The following KCNA1 variants were observed in gnomAD, a reference collection of about 807,000 sequenced individuals.
KCNA1 encodes potassium voltage-gated channel subfamily A member 1, also known as potassium channel, voltage gated shaker related subfamily A, member 1.
In KCNA1, 19 loss-of-function variants were observed where a neutral mutation model predicts 28.8. The ratio of observed to expected loss-of-function variants is 0.66; its 90% confidence interval spans 0.46 to 0.97. KCNA1 has a LOEUF of 0.97. KCNA1 is among the 50% of genes least tolerant of loss of function. The probability of loss-of-function intolerance (pLI) is 0.00; values close to 1 mark genes in which losing one functional copy is unlikely to be tolerated. For synonymous variants in KCNA1, 311 were observed against 268.8 expected (o/e 1.16, Z -1.53); for missense variants, 419 against 659.7 (o/e 0.64, Z 4.00).
rs372742714 is a variant in KCNA1 at position 4,911,693 on chromosome 12, G to A, written c.315G>A (p.Pro105=). The A allele has an allele frequency of 1.2e-5, 19 of 1,614,162 alleles. No individual in the cohort carries two copies. The African/African-American group carries it at 2.3e-4, about 19-fold the overall frequency. Residue 105 remains proline, a synonymous_variant, in exon 2 of 2, where the codon CCG becomes CCA. Coordinates refer to ENST00000382545, the MANE Select transcript of KCNA1 (RefSeq NM_000217.3). The surrounding 1 kb of genome is among the most constrained non-coding windows in gnomAD (Gnocchi z 6.6). ...AGTCCGGCGGCCGCCTGCGGAGGCCGGTCAACGTGCCCCTGGACATGTTCT... is the reference window on the plus strand; with the variant it reads ...AGTCCGGCGGCCGCCTGCGGAGGCCAGTCAACGTGCCCCTGGACATGTTCT... ...YYQSGGRLRR[P]VNVPLDMFSE...
At position 4,913,323 on chromosome 12, in the gene KCNA1, C is replaced by T. The variant is rs1376358936; in HGVS notation, c.*457C>T. 1 of 232,650 alleles carries T rather than the reference C, an allele frequency of 4.3e-6. No homozygotes were observed. The highest frequency in any genetic ancestry group is 2.4e-5 in the African/African-American group (1 of 42,396). 14.4% of individuals were successfully genotyped at this position (232,650 alleles called of 1,614,324 possible). A position where few individuals can be genotyped will look rare whatever the true frequency, so the allele number is the denominator to read the frequency against. On this transcript the variant is annotated 3_prime_UTR_variant, in exon 2 of 2. Coordinates refer to ENST00000382545, the MANE Select transcript of KCNA1 (RefSeq NM_000217.3). ...TGCAAACTGCGTAGCACATTGAAGA[C>T]AGTGCATCAGATGTATTATATGTAA...
Position 4,911,466 on chromosome 12 carries a change from C to T in KCNA1, c.88C>T (p.His30Tyr). ...QDGSYPRQAD[H>Y]DDHECCERVV... Reference sequence around the variant, plus strand: ...TGGCAGCTACCCCCGGCAGGCCGACCACGACGACCACGAGTGCTGCGAGCG... The same window carrying T: ...TGGCAGCTACCCCCGGCAGGCCGACTACGACGACCACGAGTGCTGCGAGCG... Residue 30 changes from histidine (H) to tyrosine (Y), a missense_variant, in exon 2 of 2, where the codon CAC (histidine) becomes TAC (tyrosine). By Grantham distance (83) the His-to-Tyr change is moderately conservative (BLOSUM62 2). Coordinates refer to ENST00000382545, the MANE Select transcript of KCNA1 (RefSeq NM_000217.3). This position sits in a 1 kb window ranked among gnomAD's most constrained non-coding sequence, Gnocchi z 6.6. 6.2e-7 allele frequency: 1 copy of T among 1,614,002 alleles called. No homozygotes were observed. The highest frequency in any genetic ancestry group is 8.5e-7 in the Non-Finnish European group (1 of 1,180,010).
At position 4,911,097 on chromosome 12, in the gene KCNA1, C is replaced by G. The variant is rs917538731; in HGVS notation, c.-282C>G. ...TATCTAAACAACAACAACAGAAAAC[C>G]AACAAACCCCCAAACCCAAACCCAA... On this transcript the variant is annotated 5_prime_UTR_variant, in exon 2 of 2. Coordinates refer to ENST00000382545, the MANE Select transcript of KCNA1 (RefSeq NM_000217.3). This position sits in a 1 kb window ranked among gnomAD's most constrained non-coding sequence, Gnocchi z 6.6. The G allele has an allele frequency of 7.2e-6, 4 of 559,140 alleles. No individual in the cohort carries two copies. The highest frequency in any genetic ancestry group is 1.3e-5 in the Non-Finnish European group (4 of 311,884). 34.6% of individuals were successfully genotyped at this position (559,140 alleles called of 1,614,324 possible). A position where few individuals can be genotyped will look rare whatever the true frequency, so the allele number is the denominator to read the frequency against.
In KCNA1 at chr12:4,915,781, A is replaced by G. The variant is rs1206272220; in HGVS notation, c.*2915A>G. ...TGTCAACAGCAATAATCCACTCAGT[A>G]CTGTGGGATGGATGGGTTAATGGAT... On this transcript the variant is annotated 3_prime_UTR_variant, in exon 2 of 2. Transcript: ENST00000382545. 1 of 167,188 alleles carries G rather than the reference A, an allele frequency of 6.0e-6. No individual in the cohort carries two copies. The highest frequency in any genetic ancestry group is 1.5e-5 in the Non-Finnish European group (1 of 68,166). 10.4% of individuals were successfully genotyped at this position (167,188 alleles called of 1,614,324 possible). A position where few individuals can be genotyped will look rare whatever the true frequency, so the allele number is the denominator to read the frequency against.
In KCNA1 at chr12:4,911,769, C is replaced by T; in HGVS notation, c.391C>T (p.Arg131Trp). The T allele has an allele frequency of 6.2e-7, 1 of 1,613,990 alleles. No homozygotes were observed. The highest frequency in any genetic ancestry group is 8.5e-7 in the Non-Finnish European group (1 of 1,179,960). Residue 131 changes from arginine (R) to tryptophan (W), a missense_variant, in exon 2 of 2, where the codon CGG (arginine) becomes TGG (tryptophan). Arg to Trp is a moderately radical substitution (Grantham distance 101, BLOSUM62 -3). Around this residue, in one of 4 missense-constraint regions of KCNA1, gnomAD observed 217 missense variants for 329.6 expected, o/e 0.66. Transcript: ENST00000382545. This position sits in a 1 kb window ranked among gnomAD's most constrained non-coding sequence, Gnocchi z 6.6. ...GGGCGAGGAGGCCATGGAGAAGTTCCGGGAGGACGAGGGCTTCATCAAGGA... is the reference window on the plus strand; with the variant it reads ...GGGCGAGGAGGCCATGGAGAAGTTCTGGGAGGACGAGGGCTTCATCAAGGA... ...ELGEEAMEKF[R>W]EDEGFIKEEE...
At position 4,912,793 on chromosome 12, in the gene KCNA1, A is replaced by G. The variant is rs150612442; in HGVS notation, c.1415A>G (p.Asn472Ser). 33 of 1,614,022 alleles carry G rather than the reference A, an allele frequency of 2.0e-5. No homozygotes were observed. The highest frequency in any genetic ancestry group is 2.2e-5 in the Non-Finnish European group (26 of 1,180,012). The change falls in exon 2 of 2, where the codon AAT (asparagine) becomes AGT (serine). Residue 472 changes from asparagine (N) to serine (S), a missense_variant. By Grantham distance (46) the Asn-to-Ser change is conservative. Transcript: ENST00000382545. ...NNSIAHYRQVNIRTANCTTAN... is the reference protein window; with the variant it reads ...NNSIAHYRQVSIRTANCTTAN... ...AGCATAGCCCATTATAGACAGGTCA[A>G]TATCAGAACTGCCAATTGCACCACT... is the stretch of plus-strand genomic sequence containing the variant.
rs1421190880 is a variant in KCNA1 at position 4,917,313 on chromosome 12, A to G, written c.*4447A>G. On this transcript the variant is annotated 3_prime_UTR_variant, in exon 2 of 2. Transcript: ENST00000382545. ...ATGTGGCATATTACTACCTGTATTT[A>G]TATCATGGAATTTCAGGGTATATGT... The G allele has an allele frequency of 3.0e-5, 5 of 167,104 alleles. No homozygotes were observed. The East Asian group carries it at 9.6e-4, about 32-fold the overall frequency. The allele number at this position is 167,104 out of a possible 1,614,324, so 10.4% of individuals were successfully genotyped here. A position where few individuals can be genotyped will look rare whatever the true frequency, so the allele number is the denominator to read the frequency against.
chr12:4,914,258 T>C lies in KCNA1; in HGVS notation c.*1392T>C, dbSNP rs906355079. On this transcript the variant is annotated 3_prime_UTR_variant, in exon 2 of 2. Coordinates refer to ENST00000382545, the MANE Select transcript of KCNA1 (RefSeq NM_000217.3). The stretch of plus-strand genomic sequence containing the variant: ...TCATCAAAGTACATATAGCAACACC[T>C]AAGAACAAGTATTCTTTCTAGCTGA... The C allele has an allele frequency of 1.2e-5, 2 of 167,008 alleles. No individual in the cohort carries two copies. Among genetic ancestry groups the C allele is most frequent in the Non-Finnish European group, 2.9e-5 (2 of 68,118 alleles). The allele number at this position is 167,008 out of a possible 1,614,324, so 10.3% of individuals were successfully genotyped here. A position where few individuals can be genotyped will look rare whatever the true frequency, so the allele number is the denominator to read the frequency against.
rs1370644910 is a variant in KCNA1 at position 4,910,375 on chromosome 12, C to T, written c.-637C>T. ...TCTCGGATGCTGCTGCGGCGGCCGC[C>T]GCGGCTCCCGCCAGGGCACTGCAAA... On this transcript the variant is annotated 5_prime_UTR_variant, in exon 1 of 2. Transcript: ENST00000382545. The surrounding 1 kb of genome is among the most constrained non-coding windows in gnomAD (Gnocchi z 4.9). The T allele has an allele frequency of 1.3e-5, 2 of 152,178 alleles. No individual in the cohort carries two copies. Among genetic ancestry groups the T allele is most frequent in the Non-Finnish European group, 2.9e-5 (2 of 68,078 alleles). The allele number at this position is 152,178 out of a possible 1,614,324, so 9.4% of individuals were successfully genotyped here.
rs575501949 is a variant in KCNA1, at chr12:4,914,939, C to T, written c.*2073C>T. On this transcript the variant is annotated 3_prime_UTR_variant, in exon 2 of 2. Coordinates refer to ENST00000382545, the MANE Select transcript of KCNA1 (RefSeq NM_000217.3). ...TCCTGGCACCTTTCCTTATTTTTTT[C>T]TCTGTCGGTAACAGCACTTTGCAAA... 98 of 167,252 alleles carry T rather than the reference C, an allele frequency of 5.9e-4. 1 individual carries two copies. The highest frequency in any genetic ancestry group is 2.3e-3 in the African/African-American group (97 of 41,566). The allele number at this position is 167,252 out of a possible 1,614,324, so 10.4% of individuals were successfully genotyped here.
chr12:4,912,839 T>C lies in KCNA1; in HGVS notation c.1461T>C (p.Asn487=), dbSNP rs199969874. Residue 487 remains asparagine, a synonymous_variant, in exon 2 of 2, where the codon AAT becomes AAC. Transcript: ENST00000382545. ...CCACTGCTAACCAAAACTGCGTTAA[T>C]AAGAGCAAGCTACTGACCGATGTTT... The part of the protein sequence containing the change: ...NCTTANQNCV[N]KSKLLTDV The C allele has an allele frequency of 1.7e-5, 27 of 1,613,678 alleles. No individual in the cohort carries two copies. Among genetic ancestry groups the C allele is most frequent in the South Asian group, 2.2e-5 (2 of 91,070 alleles).
rs962068629 is a variant in KCNA1, at chr12:4,917,623, C to T, written c.*4757C>T. 1 of 167,000 alleles carries T rather than the reference C, an allele frequency of 6.0e-6. No homozygotes were observed. The highest frequency in any genetic ancestry group is 6.5e-5 in the Admixed American group (1 of 15,278). 10.3% of individuals were successfully genotyped at this position (167,000 alleles called of 1,614,324 possible). A position where few individuals can be genotyped will look rare whatever the true frequency, so the allele number is the denominator to read the frequency against. ...GGCTTTTCGCTTTAAGGAGATTAAC[C>T]CTAGTCACAGTGATTTTCATTTAGG... On this transcript the variant is annotated 3_prime_UTR_variant, in exon 2 of 2. Transcript: ENST00000382545.
At position 4,911,245 on chromosome 12, in the gene KCNA1, G is replaced by T. The variant is rs12817318; in HGVS notation, c.-134G>T. ...GATCTCCCGACCTGCTCGTGTTGAAGCACCTCCCCCTGGGCGTGAGGGAGA... is the reference window on the plus strand; with the variant it reads ...GATCTCCCGACCTGCTCGTGTTGAATCACCTCCCCCTGGGCGTGAGGGAGA... On this transcript the variant is annotated 5_prime_UTR_variant, in exon 2 of 2. Coordinates refer to ENST00000382545, the MANE Select transcript of KCNA1 (RefSeq NM_000217.3). This position sits in a 1 kb window ranked among gnomAD's most constrained non-coding sequence, Gnocchi z 6.6. 0.043 allele frequency: 28,540 copies of T among 656,786 alleles called. 860 individuals carry two copies. The highest frequency in any genetic ancestry group is 0.089 in the East Asian group (3,272 of 36,820). The allele number at this position is 656,786 out of a possible 1,614,324, so 40.7% of individuals were successfully genotyped here.
chr12:4,912,924 CA>C lies in KCNA1; in HGVS notation c.*62del. ...TTAGCAGCTCAAAAGACTTAAAAAACAAAACAGAAAACCTAGTGACTCATGT... is the reference window on the plus strand; with the variant it reads ...TTAGCAGCTCAAAAGACTTAAAAAACAAACAGAAAACCTAGTGACTCATGT... On this transcript the variant is annotated 3_prime_UTR_variant, in exon 2 of 2. Transcript: ENST00000382545. 8.2e-7 allele frequency: 1 copy of C among 1,219,418 alleles called. No homozygotes were observed. 75.5% of individuals were successfully genotyped at this position (1,219,418 alleles called of 1,614,324 possible).
In KCNA1 at chr12:4,911,777, C is replaced by T. The variant is rs779252925; in HGVS notation, c.399C>T (p.Asp133=). The change falls in exon 2 of 2, where the codon GAC becomes GAT. Residue 133 remains aspartate, a synonymous_variant. Transcript: ENST00000382545. The surrounding 1 kb of genome is among the most constrained non-coding windows in gnomAD (Gnocchi z 6.6). ...AGGCCATGGAGAAGTTCCGGGAGGA[C>T]GAGGGCTTCATCAAGGAGGAGGAGC... The part of the protein sequence containing the change: ...GEEAMEKFRE[D]EGFIKEEERP... 6.2e-6 allele frequency: 10 copies of T among 1,613,842 alleles called. No homozygotes were observed. Among genetic ancestry groups the T allele is most frequent in the Non-Finnish European group, 8.5e-6 (10 of 1,179,960 alleles).
rs988125718 is a variant in KCNA1, at chr12:4,910,233, A to G, written c.-779A>G. On this transcript the variant is annotated 5_prime_UTR_variant, in exon 1 of 2. Coordinates refer to ENST00000382545, the MANE Select transcript of KCNA1 (RefSeq NM_000217.3). This position sits in a 1 kb window ranked among gnomAD's most constrained non-coding sequence, Gnocchi z 4.9. Reference sequence around the variant, plus strand: ...GGACGGCGTCTCCAGGTTGCTGGCAACCGGTGAGAATGGGGGTAGGGAAGG... The same window carrying G: ...GGACGGCGTCTCCAGGTTGCTGGCAGCCGGTGAGAATGGGGGTAGGGAAGG... 1 of 152,186 alleles carries G rather than the reference A, an allele frequency of 6.6e-6. No homozygotes were observed. The highest frequency in any genetic ancestry group is 2.4e-5 in the African/African-American group (1 of 41,442). 9.4% of individuals were successfully genotyped at this position (152,186 alleles called of 1,614,324 possible). A position where few individuals can be genotyped will look rare whatever the true frequency, so the allele number is the denominator to read the frequency against.
Position 4,913,243 on chromosome 12 carries a change from T to C in KCNA1, c.*377T>C, listed in dbSNP as rs1947363733. On this transcript the variant is annotated 3_prime_UTR_variant, in exon 2 of 2. Transcript: ENST00000382545. Reference sequence around the variant, plus strand: ...ACTTTTTTAAAAACTCAGAACAAGATGATCACTTAGAAATATGAAATTGAA... The same window carrying C: ...ACTTTTTTAAAAACTCAGAACAAGACGATCACTTAGAAATATGAAATTGAA... The C allele has an allele frequency of 7.0e-6, 2 of 286,814 alleles. No individual in the cohort carries two copies. The highest frequency in any genetic ancestry group is 4.1e-5 in the South Asian group (1 of 24,578). 17.8% of individuals were successfully genotyped at this position (286,814 alleles called of 1,614,324 possible). A position where few individuals can be genotyped will look rare whatever the true frequency, so the allele number is the denominator to read the frequency against.
Position 4,910,359 on chromosome 12 carries a change from C to A in KCNA1, c.-653C>A, listed in dbSNP as rs867780919. ...GAGTTTGCCCGGCGCGTCTCGGATGCTGCTGCGGCGGCCGCCGCGGCTCCC... is the reference window on the plus strand; with the variant it reads ...GAGTTTGCCCGGCGCGTCTCGGATGATGCTGCGGCGGCCGCCGCGGCTCCC... On this transcript the variant is annotated 5_prime_UTR_variant, in exon 1 of 2. It adds an upstream start codon to the 5' untranslated region. Transcript: ENST00000382545. The surrounding 1 kb of genome is among the most constrained non-coding windows in gnomAD (Gnocchi z 4.9). The A allele has an allele frequency of 3.0e-4, 46 of 152,410 alleles. No individual in the cohort carries two copies. Among genetic ancestry groups the A allele is most frequent in the African/African-American group, 1.1e-3 (44 of 41,582 alleles). 9.4% of individuals were successfully genotyped at this position (152,410 alleles called of 1,614,324 possible).
rs1044318909 is a variant in KCNA1 at position 4,917,865 on chromosome 12, C to T, written c.*4999C>T. On this transcript the variant is annotated 3_prime_UTR_variant, in exon 2 of 2. Coordinates refer to ENST00000382545, the MANE Select transcript of KCNA1 (RefSeq NM_000217.3). ...CACTGTTTTGGGACTGTTTATGCAG[C>T]AGATGTAAGTAGACAACATGGACTC... The T allele has an allele frequency of 1.2e-5, 2 of 166,994 alleles. No individual in the cohort carries two copies. Among genetic ancestry groups the T allele is most frequent in the Non-Finnish European group, 2.9e-5 (2 of 68,124 alleles). The allele number at this position is 166,994 out of a possible 1,614,324, so 10.3% of individuals were successfully genotyped here.
Sources: allele counts gnomAD v4.1 joint callset, GRCh38; gene constraint gnomAD v4.1.1; regional missense constraint gnomAD v4.1.1; non-coding constraint Gnocchi (gnomAD v3.1); transcripts MANE v1.5; gene names NCBI Gene and HGNC (gene_info 2026-07-23, HGNC 2026-07-21).